MYH4: variants seen among roughly 807,000 people sequenced by gnomAD.
The protein encoded by MYH4 is myosin-4.
A neutral mutation model predicts 229.9 loss-of-function variants in MYH4; 200 were observed. The observed-to-expected ratio is 0.87, with a 90% CI of 0.78 to 0.98. The LOEUF (loss-of-function observed/expected upper bound fraction) is 0.98. Ranked by LOEUF, MYH4 falls within the 50% of genes least tolerant of loss-of-function variation. MYH4 has a pLI of 0.00. For missense variants in MYH4, 2,148 were observed against 2,332.6 expected, an observed-to-expected ratio of 0.92 and a Z score of 1.63; for synonymous variants, 761 against 834.6, an observed-to-expected ratio of 0.91 and a Z score of 1.52.
Position 10,452,454 on chromosome 17 carries a change from G to A in MYH4, c.3310C>T (p.Leu1104Phe), listed in dbSNP as rs1314527430. ...LQGKIEDEQA[L>F]AIQLQKKIKE... The stretch of plus-strand genomic sequence containing the variant: ...ATCTTCTTTTGTAGCTGTATTGCAA[G>A]GGCTTGTTCATCTTCAATCTTGCCT... Residue 1104 changes from leucine (L) to phenylalanine (F), a missense_variant, in exon 26 of 40, where the codon CTT becomes TTT. Physicochemically the swap from Leu to Phe is conservative, Grantham distance 22 (BLOSUM62 0). Coordinates refer to ENST00000255381, the MANE Select transcript of MYH4 (RefSeq NM_017533.2). 3.1e-6 allele frequency: 5 copies of A among 1,614,070 alleles called. No individual in the cohort carries two copies. The highest frequency in any genetic ancestry group is 2.7e-5 in the African/African-American group (2 of 75,028).
intron 25 of MYH4, 73 bp from the exon 26 acceptor site, chr17:10,452,579 CTT>C: frequency 6.9e-7 from 1 of 1,450,384 alleles, no homozygotes; most frequent in Admixed American, 1.9e-5. Flanking sequence ...TAATCTAAGA[CTT>C]TTTTTATACT....
chr17:10,463,894 T>G (rs1419849177), intron 7 of MYH4, among the ~76,000 whole-genome samples: 1 of 152,200 alleles, frequency 6.6e-6, no homozygotes, highest in Non-Finnish European at 1.5e-5. Flanking sequence ...CTATTATACT[T>G]GCCAATACAT....
intron 11 of MYH4, among the ~76,000 whole-genome samples, chr17:10,462,022 GATA>G (rs1567705679): frequency 6.6e-6 from 1 of 151,848 alleles, no homozygotes; most frequent in African/African-American, 2.4e-5. Context: ...GACATACAAA[GATA>G]ATAATAAGTT....
chr17:10,448,904 G>A lies in MYH4; in HGVS notation c.4325C>T (p.Ala1442Val), dbSNP rs1217753960. The change falls in exon 31 of 40, where the codon GCC (alanine) becomes GTC (valine). Residue 1442 changes from alanine (A) to valine (V), a missense_variant. By Grantham distance (64) the Ala-to-Val change is moderately conservative. Coordinates refer to ENST00000255381, the MANE Select transcript of MYH4 (RefSeq NM_017533.2). ...LMIDVERSNA[A>V]CIALDKKQRN... ...TTGCTTCTTATCGAGAGCTATGCAG[G>A]CAGCATTAGATCGTTCCACATCAAT... The A allele has an allele frequency of 1.9e-6, 3 of 1,614,150 alleles. No individual in the cohort carries two copies. Among genetic ancestry groups the A allele is most frequent in the African/African-American group, 2.7e-5 (2 of 75,064 alleles).
chr17:10,461,683 G>A (rs2072704780), intron 11 of MYH4, among the ~76,000 whole-genome samples: 1 of 151,840 alleles, frequency 6.6e-6, no homozygotes, highest in African/African-American at 2.4e-5. Flanking sequence ...GCAGAGAAGA[G>A]ACATTTATGA....
At chr17:10,465,265 ACTT>A (rs371530128) in intron 5 of MYH4, among the ~76,000 whole-genome samples, 174 bp downstream of exon 5, 8 of 152,322 alleles carry the variant, frequency 5.3e-5, no homozygotes, top group Admixed American at 2.0e-4. Context: ...TCTAAGCAAA[ACTT>A]CTTCTATGTT....
Position 10,448,908 on chromosome 17 carries a change from CATT to C in MYH4, c.4318_4320del (p.Asn1440del). 2 of 1,614,166 alleles carry C rather than the reference CATT, an allele frequency of 1.2e-6. No homozygotes were observed. Among genetic ancestry groups the C allele is most frequent in the Non-Finnish European group, 1.7e-6 (2 of 1,180,020 alleles). On this transcript the variant is annotated inframe_deletion, in exon 31 of 40. Transcript: ENST00000255381. ...TTCTTATCGAGAGCTATGCAGGCAG[CATT>C]AGATCGTTCCACATCAATCATGAGG...
Position 10,454,724 on chromosome 17 carries a change from T to G in MYH4, c.2522A>C (p.Lys841Thr). 6.2e-7 allele frequency: 1 copy of G among 1,614,204 alleles called. No homozygotes were observed. Among genetic ancestry groups the G allele is most frequent in the Non-Finnish European group, 8.5e-7 (1 of 1,180,042 alleles). Residue 841 changes from lysine to threonine, a missense_variant, in exon 22 of 40, where the codon AAG (lysine) becomes ACG (threonine). Transcript: ENST00000255381. ...WPWMKLYFKI[K>T]PLLKSAETEK... ...TGTCTCTGCACTCTTGAGGAGGGGC[T>G]TGATCTTGAAATACAGCTTCATCCA...
At chr17:10,463,069 T>C in intron 10 of MYH4, 21 bp downstream of exon 10, 1 of 1,600,026 alleles carries the variant, frequency 6.2e-7, no homozygotes, top group Non-Finnish European at 8.6e-7. Flanking sequence ...TTGGTAGAAA[T>C]AAATCAAAGA....
At chr17:10,465,941 A>AT (rs2072761098) in intron 4 of MYH4, among the ~76,000 whole-genome samples, 1 of 150,342 alleles carries the variant, frequency 6.7e-6, no homozygotes, top group South Asian at 2.1e-4. Context: ...CGCCCGGCTA[A>AT]TTTTTTGTAT....
At chr17:10,452,645 A>T in intron 25 of MYH4, 139 bp from the exon 26 acceptor site, 1 of 1,216,290 alleles carries the variant, frequency 8.2e-7, no homozygotes, top group Non-Finnish European at 1.1e-6. Flanking sequence ...TAATTGTATT[A>T]GTTTAATTAA....
intron 15 of MYH4, among the ~76,000 whole-genome samples, chr17:10,458,952 C>T (rs2108606): frequency 0.39 from 60,013 of 152,050 alleles, 12,823 homozygotes; most frequent in East Asian, 0.84. Flanking sequence ...AGAGGAATAG[C>T]TGTAATTTCA....
In MYH4 at chr17:10,457,430, A is replaced by T; in HGVS notation, c.1887T>A (p.Thr629=). Residue 629 remains threonine (T), a synonymous_variant, in exon 16 of 40, where the codon ACT becomes ACA. Coordinates refer to ENST00000255381, the MANE Select transcript of MYH4 (RefSeq NM_017533.2). ...GCTATTAAACATGACCTGCTTCAGC[A>T]GTTTGTGCCCCAGAGAAGAGGAAAG... ...TLAFLFSGAQ[T]AEAEGGGGKK... is the part of the protein sequence containing the mutation. The T allele has an allele frequency of 6.2e-7, 1 of 1,604,104 alleles. No homozygotes were observed. The highest frequency in any genetic ancestry group is 8.5e-7 in the Non-Finnish European group (1 of 1,174,042).
chr17:10,450,363 C>A, intron 30 of MYH4, 90 bp downstream of exon 30: 1 of 1,598,256 alleles, frequency 6.3e-7, no homozygotes, highest in Non-Finnish European at 8.6e-7. Context: ...TTTCATGTGT[C>A]CCCAAGCCCG....
At chr17:10,450,086 A>G (rs1243109051) in intron 30 of MYH4, among the ~76,000 whole-genome samples, 1 of 152,222 alleles carries the variant, frequency 6.6e-6, no homozygotes, top group Admixed American at 6.5e-5. Context: ...AAAACTGATT[A>G]TTGTTAATTG....
intron 6 of MYH4, 38 bp downstream of exon 6, chr17:10,464,643 A>G (rs201005622): frequency 1.5e-5 from 25 of 1,613,326 alleles, no homozygotes; most frequent in South Asian, 1.1e-5. Flanking sequence ...AGCCACTACA[A>G]TGATCAAAAC....
intron 19 of MYH4, 65 bp from the exon 20 acceptor site, chr17:10,455,360 G>T: frequency 6.6e-7 from 1 of 1,511,114 alleles, no homozygotes; most frequent in East Asian, 2.3e-5. Context: ...TAGAACATTT[G>T]GTAGCTATCA....
In MYH4 at chr17:10,454,671, C is replaced by A; in HGVS notation, c.2575G>T (p.Glu859Ter). 1.2e-6 allele frequency: 2 copies of A among 1,614,170 alleles called. No individual in the cohort carries two copies. Among genetic ancestry groups the A allele is most frequent in the South Asian group, 1.1e-5 (1 of 91,088 alleles). ...TEKEMANMKE[E>*]FEKTKEELAK... Reference sequence around the variant, plus strand: ...AGCTCTTCTTTGGTTTTCTCAAATTCTTCCTTCATGTTGGCCATCTCCTTC... The same window carrying A: ...AGCTCTTCTTTGGTTTTCTCAAATTATTCCTTCATGTTGGCCATCTCCTTC... Residue 859 changes from glutamate to a stop codon, truncating the protein, a stop_gained, in exon 22 of 40, where the codon GAA becomes TAA. Transcript: ENST00000255381. LOFTEE classifies it high-confidence loss of function.
chr17:10,455,509 A>G, intron 19 of MYH4, 105 bp downstream of exon 19: 1 of 1,461,568 alleles, frequency 6.8e-7, no homozygotes, highest in South Asian at 1.3e-5. Context: ...TCAATTTTCA[A>G]ATAATTGCAT....
Sources: allele counts gnomAD v4.1 joint callset (sites outside exome capture counted in the v4.1 genomes callset), GRCh38; gene constraint gnomAD v4.1.1; transcripts MANE v1.5; gene names NCBI Gene and HGNC (gene_info 2026-07-23, HGNC 2026-07-21).